CEP128: variants seen among roughly 807,000 people sequenced by gnomAD.
CEP128 encodes the protein centrosomal protein 128, also known as centrosomal protein 128kDa.
A neutral mutation model predicts 156.7 loss-of-function variants in CEP128; 132 were observed. The ratio of observed to expected loss-of-function variants is 0.84; its 90% CI spans 0.73 to 0.97. CEP128 has a LOEUF of 0.97. Ranked by LOEUF, CEP128 falls within the 50% of genes least tolerant of loss-of-function variation. The pLI, the probability that CEP128 is intolerant of heterozygous loss-of-function variation, is 0.00. For synonymous variants in CEP128, 469 were observed against 448.9 expected (o/e 1.04, Z -0.57); for missense variants, 1,252 against 1,281.9 (o/e 0.98, Z 0.36).
intron 13 of CEP128, among the ~76,000 whole-genome samples, chr14:80,795,140 T>C (rs1883389506): frequency 6.6e-6 from 1 of 152,168 alleles, no homozygotes; most frequent in Admixed American, 6.6e-5. Flanking sequence ...GCCCATGTTA[T>C]CAACCTATTG....
At chr14:80,527,171 G>A (rs1889012709) in intron 22 of CEP128, 189 bp from the exon 23 acceptor site, 1 of 561,204 alleles carries the variant, frequency 1.8e-6, no homozygotes, top group South Asian at 1.9e-5. Context: ...GCTCAAACCT[G>A]TAATCCCAGC....
chr14:80,788,092 G>T (rs961657938), intron 14 of CEP128, among the ~76,000 whole-genome samples: 1 of 152,048 alleles, frequency 6.6e-6, no homozygotes, highest in Non-Finnish European at 1.5e-5. Context: ...AAGCTCTGTC[G>T]ATCTGATTCT....
intron 15 of CEP128, among the ~76,000 whole-genome samples, chr14:80,779,915 C>T (rs1051089430): frequency 6.6e-6 from 1 of 152,146 alleles, no homozygotes; most frequent in African/African-American, 2.4e-5. Context: ...GGTGAAATAA[C>T]TTGACCAAGA....
chr14:80,890,482 T>G (rs960213651), intron 8 of CEP128, among the ~76,000 whole-genome samples: 1 of 152,094 alleles, frequency 6.6e-6, no homozygotes, highest in African/African-American at 2.4e-5. Flanking sequence ...TGCAGGGACA[T>G]GGATGAAGCT....
intron 19 of CEP128, among the ~76,000 whole-genome samples, chr14:80,694,930 A>C (rs546478836): frequency 7.2e-5 from 11 of 152,096 alleles, no homozygotes; most frequent in African/African-American, 2.4e-4. Context: ...AAAAAAAAAA[A>C]AAACTTGTTT....
intron 20 of CEP128, among the ~76,000 whole-genome samples, chr14:80,570,121 T>C (rs1160082507): frequency 6.6e-6 from 1 of 152,158 alleles, no homozygotes; most frequent in East Asian, 1.9e-4. Flanking sequence ...ATATGTTCTT[T>C]TTATTTATTT....
At chr14:80,747,934 A>G (rs1298094530) in intron 18 of CEP128, among the ~76,000 whole-genome samples, 1 of 152,226 alleles carries the variant, frequency 6.6e-6, no homozygotes, top group Non-Finnish European at 1.5e-5. Flanking sequence ...GTGTTCTCAA[A>G]TTAAATGTGG....
chr14:80,704,494 T>G (rs564171761), intron 19 of CEP128, among the ~76,000 whole-genome samples: 1 of 152,172 alleles, frequency 6.6e-6, no homozygotes, highest in East Asian at 1.9e-4. Context: ...ATGTACACAT[T>G]AGAATTTTAA....
At chr14:80,682,712 C>T (rs965217387) in intron 19 of CEP128, among the ~76,000 whole-genome samples, 47 of 152,098 alleles carry the variant, frequency 3.1e-4, no homozygotes, top group Non-Finnish European at 6.5e-4. Flanking sequence ...AGATCATGTA[C>T]AAAGGGAACT....
intron 23 of CEP128, among the ~76,000 whole-genome samples, chr14:80,519,665 G>T (rs1888646417): frequency 1.3e-5 from 2 of 152,158 alleles, no homozygotes; most frequent in South Asian, 4.1e-4. Context: ...AATCTGGGCA[G>T]ATGTTTTACT....
chr14:80,937,617 A>G (rs990189439), intron 2 of CEP128, among the ~76,000 whole-genome samples: 2 of 152,108 alleles, frequency 1.3e-5, no homozygotes, highest in Non-Finnish European at 2.9e-5. Flanking sequence ...GATACTATGT[A>G]TCTGCTAAAA....
At chr14:80,924,412 T>C (rs1885036583) in intron 2 of CEP128, among the ~76,000 whole-genome samples, 2 of 152,208 alleles carry the variant, frequency 1.3e-5, no homozygotes, top group Non-Finnish European at 2.9e-5. Flanking sequence ...TTTTTCATCA[T>C]TTAATGAGTT....
intron 8 of CEP128, among the ~76,000 whole-genome samples, chr14:80,879,699 A>G (rs1388797218): frequency 6.6e-6 from 1 of 152,186 alleles, no homozygotes; most frequent in Non-Finnish European, 1.5e-5. Context: ...ACCATCAAGC[A>G]AACAAATGTT....
intron 7 of CEP128, among the ~76,000 whole-genome samples, chr14:80,899,631 T>G (rs1441007934): frequency 1.3e-5 from 2 of 152,198 alleles, no homozygotes; most frequent in East Asian, 1.9e-4. Flanking sequence ...TCGGTCTTTG[T>G]GTCTCTCTCT....
At chr14:80,491,320 A>G (rs991588321) in intron 6 of CEP128, among the ~76,000 whole-genome samples, 11 of 152,150 alleles carry the variant, frequency 7.2e-5, no homozygotes, top group African/African-American at 2.7e-4. Flanking sequence ...GAGGTCTCTC[A>G]AGCTGCAGCT....
rs1163293702 is a variant in CEP128, at chr14:80,914,984, C to A, written c.148-576G>T. On this transcript the variant is annotated intron_variant, in intron 3 of 24. Coordinates refer to ENST00000555265, the MANE Select transcript of CEP128 (RefSeq NM_152446.5). ...AATGTGTCTCATTGTTGGGAAAGCA[C>A]AAGAATTCATACTACAAAATTCCAT... is the stretch of plus-strand genomic sequence containing the variant. Among the ~76,000 whole-genome samples, 3 of 152,154 alleles carry A rather than the reference C, an allele frequency of 2.0e-5. No homozygotes were observed. The East Asian group carries it at 5.8e-4, about 29-fold the overall frequency.
downstream of CEP128, among the ~76,000 whole-genome samples, chr14:80,490,121 G>C (rs555421883): frequency 2.6e-5 from 4 of 151,976 alleles, no homozygotes; most frequent in South Asian, 8.3e-4. Context: ...TATATTTAAG[G>C]GGGGTACCAC....
chr14:80,480,367 C>T (rs1327207973), intron 14 of CEP128, among the ~76,000 whole-genome samples: 1 of 152,174 alleles, frequency 6.6e-6, no homozygotes, highest in Non-Finnish European at 1.5e-5. Flanking sequence ...TATGTACCCG[C>T]AGGCTCAACA....
intron 23 of CEP128, among the ~76,000 whole-genome samples, chr14:80,525,964 G>T (rs1401557211): frequency 2.0e-5 from 3 of 148,956 alleles, no homozygotes; most frequent in African/African-American, 4.9e-5. Context: ...ATTCAAGTTT[G>T]TAAGAATATA....
Sources: gnomAD v4.1 joint callset for allele counts (sites outside exome capture counted in the v4.1 genomes callset) on GRCh38, gnomAD v4.1.1 for gene constraint, MANE v1.5 for transcripts, NCBI Gene and HGNC (gene_info 2026-07-23, HGNC 2026-07-21) for gene names.